The following RNF121 variants were observed in gnomAD, a reference collection of about 807,000 sequenced individuals.
RNF121 encodes the protein E3 ubiquitin ligase RNF121.
Under a neutral mutation model 46.5 loss-of-function variants are expected in RNF121, and 21 were observed. That is an observed-to-expected ratio of 0.45 (90% confidence interval 0.32 to 0.65). RNF121 has a LOEUF of 0.65. Among genes scored for constraint, RNF121 ranks in the 30% least tolerant of loss-of-function variants. The probability of loss-of-function intolerance (pLI) is 0.04; values close to 1 mark genes in which losing one functional copy is unlikely to be tolerated. For missense variants in RNF121, 346 were observed against 416.0 expected, an observed-to-expected ratio of 0.83 and a Z score of 1.46; for synonymous variants, 139 against 144.7, an observed-to-expected ratio of 0.96 and a Z score of 0.28.
chr11:71,965,306 A>C (rs546400144), intron 3 of RNF121, among the ~76,000 whole-genome samples: 1 of 148,606 alleles, frequency 6.7e-6, no homozygotes, highest in African/African-American at 2.5e-5. Context: ...GTTGGAGTGC[A>C]GTGGTGTGAT....
At chr11:71,961,192 G>C (rs1954123623) in intron 3 of RNF121, among the ~76,000 whole-genome samples, 1 of 152,158 alleles carries the variant, frequency 6.6e-6, no homozygotes, top group African/African-American at 2.4e-5. Context: ...CAATTGGAGA[G>C]AGCAAAGATG....
chr11:71,932,763 G>A (rs1472363216), intron 1 of RNF121, among the ~76,000 whole-genome samples: 1 of 152,150 alleles, frequency 6.6e-6, no homozygotes, highest in East Asian at 1.9e-4. Flanking sequence ...TTTTCTTTGT[G>A]TATAAAATTT....
intron 3 of RNF121, 94 bp downstream of exon 3, chr11:71,960,985 G>A: frequency 1.5e-6 from 2 of 1,376,000 alleles, no homozygotes; most frequent in African/African-American, 2.9e-5. Flanking sequence ...GCCACATGGA[G>A]GTGGAGAAAG....
intron 3 of RNF121, among the ~76,000 whole-genome samples, chr11:71,970,209 G>A (rs1954388902): frequency 6.6e-6 from 1 of 152,154 alleles, no homozygotes; most frequent in Admixed American, 6.6e-5. Context: ...ATGATGGCTA[G>A]GGAGTAGGGG....
intron 1 of RNF121, among the ~76,000 whole-genome samples, chr11:71,953,344 C>T (rs1027474980): frequency 3.3e-5 from 5 of 152,182 alleles, no homozygotes; most frequent in Non-Finnish European, 5.9e-5. Context: ...CAGAATAGCA[C>T]ACTTTAAATG....
intron 2 of RNF121, among the ~76,000 whole-genome samples, chr11:71,959,254 G>A (rs1430722024): frequency 2.6e-5 from 4 of 152,102 alleles, no homozygotes; most frequent in Non-Finnish European, 5.9e-5. Flanking sequence ...TTCCCACTCT[G>A]CCCACCAAGT....
In RNF121 at chr11:71,986,568, C is replaced by G. The variant is rs537197152; in HGVS notation, c.399-436C>G. Among the ~76,000 whole-genome samples the G allele has an allele frequency of 1.2e-4, 18 of 151,962 alleles. No homozygotes were observed. The East Asian group carries it at 3.1e-3, about 26-fold the overall frequency. Reference sequence around the variant, plus strand: ...GGATCATGTGGTCAGGAATTCGAGACCAGCCTGGCCAATATGGTGAAACCC... The same window carrying G: ...GGATCATGTGGTCAGGAATTCGAGAGCAGCCTGGCCAATATGGTGAAACCC... On this transcript the variant is annotated intron_variant, in intron 4 of 8. Transcript: ENST00000361756.
intron 1 of RNF121, among the ~76,000 whole-genome samples, chr11:71,934,722 G>A (rs765486015): frequency 1.3e-5 from 2 of 152,006 alleles, no homozygotes; most frequent in African/African-American, 2.4e-5. Flanking sequence ...CAAGTGTAGT[G>A]GGGAAAAAGC....
chr11:71,975,823 G>A (rs1954515494), intron 3 of RNF121, among the ~76,000 whole-genome samples: 1 of 152,200 alleles, frequency 6.6e-6, no homozygotes, highest in Non-Finnish European at 1.5e-5. Context: ...TCCTCTGAAA[G>A]ATAAGAGTTG....
intron 5 of RNF121, 45 bp downstream of exon 5, chr11:71,987,156 T>G: frequency 8.0e-7 from 1 of 1,248,700 alleles, no homozygotes; most frequent in Non-Finnish European, 1.2e-6. Context: ...TGGGGAGGAG[T>G]GACTGTTGAG....
At chr11:71,932,870 TACTGATA>T (rs1488256024) in intron 1 of RNF121, among the ~76,000 whole-genome samples, 5 of 152,230 alleles carry the variant, frequency 3.3e-5, no homozygotes, top group African/African-American at 7.2e-5. Flanking sequence ...TCCTTTAACT[TACTGATA>T]ACTGGTGGAT....
intron 1 of RNF121, among the ~76,000 whole-genome samples, chr11:71,930,751 T>C (rs984528162): frequency 6.6e-6 from 1 of 152,222 alleles, no homozygotes; most frequent in Non-Finnish European, 1.5e-5. Context: ...TTGAGACAAT[T>C]ACGTATATCT....
chr11:71,985,640 C>G (rs775148486), intron 4 of RNF121, among the ~76,000 whole-genome samples: 38 of 152,170 alleles, frequency 2.5e-4, no homozygotes, highest in Non-Finnish European at 4.3e-4. Context: ...GACTTTCCTC[C>G]CTAGGGTTCA....
At chr11:71,985,090 T>C (rs959725200) in intron 4 of RNF121, among the ~76,000 whole-genome samples, 1 of 152,076 alleles carries the variant, frequency 6.6e-6, no homozygotes, top group Admixed American at 6.5e-5. Context: ...TCTGGCTATT[T>C]TTTAATTTTT....
At chr11:71,966,352 C>T (rs1275328382) in intron 3 of RNF121, among the ~76,000 whole-genome samples, 4 of 152,126 alleles carry the variant, frequency 2.6e-5, no homozygotes, top group African/African-American at 9.7e-5. Flanking sequence ...TAATACATAC[C>T]ATAGTTTTAA....
chr11:71,963,379 T>G (rs1954186113), intron 3 of RNF121, among the ~76,000 whole-genome samples: 1 of 152,076 alleles, frequency 6.6e-6, no homozygotes, highest in South Asian at 2.1e-4. Flanking sequence ...TTCCAGCACT[T>G]TGGGAGGCTG....
intron 1 of RNF121, among the ~76,000 whole-genome samples, chr11:71,931,532 GC>G (rs1320507755): frequency 1.3e-5 from 2 of 152,216 alleles, no homozygotes; most frequent in African/African-American, 4.8e-5. Flanking sequence ...TTGTGAAACA[GC>G]AGGTGAAATC....
At chr11:71,978,094 T>C in intron 3 of RNF121, 1 of 322,408 alleles carries the variant, frequency 3.1e-6, no homozygotes, top group Non-Finnish European at 6.2e-6. Flanking sequence ...AGAGGTGGGG[T>C]TTCACCGTGT....
At chr11:71,965,758 G>A (rs1954261852) in intron 3 of RNF121, among the ~76,000 whole-genome samples, 1 of 152,108 alleles carries the variant, frequency 6.6e-6, no homozygotes, top group African/African-American at 2.4e-5. Context: ...ATTATTAGTG[G>A]AACTTGCCAA....
Sources: gnomAD v4.1 joint callset for allele counts (sites outside exome capture counted in the v4.1 genomes callset) on GRCh38, gnomAD v4.1.1 for gene constraint, MANE v1.5 for transcripts, NCBI Gene and HGNC (gene_info 2026-07-23, HGNC 2026-07-21) for gene names.